Variants in CNGA3 observed in about 807,000 individuals in gnomAD.
The protein encoded by CNGA3 is cyclic nucleotide-gated channel alpha-3.
In CNGA3, 42 loss-of-function variants were observed where a neutral mutation model predicts 46.6. The ratio of observed to expected loss-of-function variants is 0.90; its 90% CI spans 0.70 to 1.17. The LOEUF (loss-of-function observed/expected upper bound fraction) is 1.17, where lower values mean the gene tolerates loss of function less well. Among genes scored for constraint, CNGA3 ranks in the 50% most tolerant of loss-of-function variants. CNGA3 has a pLI of 0.00. For synonymous variants in CNGA3, 394 were observed against 369.4 expected, an observed-to-expected ratio of 1.07 and a Z score of -0.76; for missense variants, 893 against 890.7, an observed-to-expected ratio of 1.00 and a Z score of -0.03.
intron 2 of CNGA3, among the ~76,000 whole-genome samples, chr2:98,373,665 T>C (rs1692339109): frequency 6.6e-6 from 1 of 152,240 alleles, no homozygotes; most frequent in Admixed American, 6.5e-5. Flanking sequence ...GTCTGAGTTT[T>C]CATTTCTACT....
At position 98,396,634 on chromosome 2, in the gene CNGA3, A is replaced by G. The variant is rs1165495562; in HGVS notation, c.1464A>G (p.Ala488=). The stretch of plus-strand genomic sequence containing the variant: ...TTCGCATCTTCCAGGACTGTGAGGC[A>G]GGGCTGCTGGTGGAGCTGGTGCTGA... ...KKVRIFQDCE[A]GLLVELVLKL... The change falls in exon 8 of 8, where the codon GCA becomes GCG. Residue 488 remains alanine, a synonymous_variant. Coordinates refer to ENST00000272602, the MANE Select transcript of CNGA3 (RefSeq NM_001298.3). 1.2e-6 allele frequency: 2 copies of G among 1,614,134 alleles called. No individual in the cohort carries two copies. The highest frequency in any genetic ancestry group is 1.7e-6 in the Non-Finnish European group (2 of 1,180,006).
At chr2:98,365,889 C>A (rs1047403817) in intron 1 of CNGA3, among the ~76,000 whole-genome samples, 4 of 152,202 alleles carry the variant, frequency 2.6e-5, no homozygotes, top group Non-Finnish European at 5.9e-5. Flanking sequence ...TTTCTGAAGC[C>A]TACTTCTGTC....
At chr2:98,380,064 C>T in intron 3 of CNGA3, 111 bp from the exon 4 acceptor site, 3 of 1,288,944 alleles carry the variant, frequency 2.3e-6, no homozygotes, top group Non-Finnish European at 3.3e-6. Flanking sequence ...CTGCCCCATC[C>T]CTTGAGACAG....
intron 5 of CNGA3, among the ~76,000 whole-genome samples, chr2:98,387,589 T>C (rs1247231250): frequency 2.0e-5 from 3 of 152,250 alleles, no homozygotes; most frequent in East Asian, 1.9e-4. Context: ...TGAAGTCTTA[T>C]GTTGAAGAAA....
chr2:98,378,967 A>T (rs1692476155), intron 3 of CNGA3, among the ~76,000 whole-genome samples: 1 of 152,224 alleles, frequency 6.6e-6, no homozygotes, highest in Non-Finnish European at 1.5e-5. Flanking sequence ...TGTGACCATG[A>T]GTTGAAACAC....
chr2:98,372,202 C>T (rs1352347781), intron 2 of CNGA3, among the ~76,000 whole-genome samples: 1 of 152,356 alleles, frequency 6.6e-6, no homozygotes, highest in Non-Finnish European at 1.5e-5. Flanking sequence ...TGCTGACTCA[C>T]CCTGGTTCTG....
At chr2:98,390,680 T>C (rs1319099375) in intron 6 of CNGA3, among the ~76,000 whole-genome samples, 1 of 151,984 alleles carries the variant, frequency 6.6e-6, no homozygotes, top group Non-Finnish European at 1.5e-5. Flanking sequence ...GGGGCATTTC[T>C]GAGGAAGCCT....
chr2:98,356,153 A>T (rs1691875308), intron 1 of CNGA3: 1 of 152,188 alleles, frequency 6.6e-6, no homozygotes. Flanking sequence ...TATTTTGGAA[A>T]AGTGTTTTAG....
chr2:98,387,446 C>T (rs541095490), intron 5 of CNGA3, among the ~76,000 whole-genome samples: 13 of 152,298 alleles, frequency 8.5e-5, no homozygotes, highest in Non-Finnish European at 1.3e-4. Flanking sequence ...TTGTCCCTTC[C>T]GCAACCTTTG....
chr2:98,381,896 G>A (rs1002955653), intron 4 of CNGA3, among the ~76,000 whole-genome samples: 1 of 152,174 alleles, frequency 6.6e-6, no homozygotes, highest in Non-Finnish European at 1.5e-5. Context: ...GAGGAAGAGG[G>A]AGGGGGGAAA....
At chr2:98,369,871 C>A in intron 1 of CNGA3, 68 bp from the exon 2 acceptor site, 2 of 1,031,494 alleles carry the variant, frequency 1.9e-6, no homozygotes, top group Non-Finnish European at 3.0e-6. Context: ...AGCCCTTGCC[C>A]TTGATGAGCT....
At position 98,371,880 on chromosome 2, in the gene CNGA3, A is replaced by G. The variant is rs772284406; in HGVS notation, c.101+1804A>G. ...GGAGCCCAAGAATGAGGCACAGCAT[A>G]ACATCACGATCCTGGGATCCTGGGC... On this transcript the variant is annotated intron_variant, in intron 2 of 7. Transcript: ENST00000272602. Among the ~76,000 whole-genome samples the G allele has an allele frequency of 1.6e-3, 246 of 152,340 alleles. 1 individual carries two copies. Among genetic ancestry groups the G allele is most frequent in the Non-Finnish European group, 1.1e-3 (72 of 68,032 alleles).
intron 1 of CNGA3, among the ~76,000 whole-genome samples, chr2:98,354,802 A>T (rs1368208649): frequency 6.6e-6 from 1 of 152,220 alleles, no homozygotes; most frequent in Non-Finnish European, 1.5e-5. Flanking sequence ...ATAAAAAATG[A>T]AAATAGTTTC....
intron 1 of CNGA3, among the ~76,000 whole-genome samples, chr2:98,348,242 G>A (rs976809035): frequency 2.0e-5 from 3 of 150,378 alleles, no homozygotes; most frequent in Non-Finnish European, 3.0e-5. Context: ...GGGGAGGAGC[G>A]GTGGTTCTTG....
At chr2:98,373,328 G>C (rs1692330299) in intron 2 of CNGA3, among the ~76,000 whole-genome samples, 6 of 152,220 alleles carry the variant, frequency 3.9e-5, no homozygotes, top group Admixed American at 3.3e-4. Context: ...TCTTTGTCTT[G>C]AAATTCCAGT....
At chr2:98,389,031 T>C (rs993885175) in intron 5 of CNGA3, among the ~76,000 whole-genome samples, 21 of 152,396 alleles carry the variant, frequency 1.4e-4, no homozygotes, top group African/African-American at 5.0e-4. Context: ...CACTCTAAGC[T>C]ATGTATTTCA....
Position 98,397,138 on chromosome 2 carries a change from G to A in CNGA3, c.1968G>A (p.Met656Ile), listed in dbSNP as rs147293818. Residue 656 changes from methionine to isoleucine, a missense_variant, in exon 8 of 8, where the codon ATG becomes ATA. Physicochemically the swap from Met to Ile is conservative, Grantham distance 10. Around this residue, in one of 3 missense-constraint regions of CNGA3, gnomAD observed 548 missense variants for 570.8 expected, o/e 0.96. Transcript: ENST00000272602. ...RLLAEYNATQ[M>I]KMKQRLSQLE... Reference sequence around the variant, plus strand: ...TGGCTGAGTACAACGCCACCCAGATGAAGATGAAGCAGCGTCTCAGCCAAC... The same window carrying A: ...TGGCTGAGTACAACGCCACCCAGATAAAGATGAAGCAGCGTCTCAGCCAAC... 314 of 1,614,138 alleles carry A rather than the reference G, an allele frequency of 1.9e-4. No homozygotes were observed. In the African/African-American group the frequency reaches 3.5e-3, roughly 18 times the overall value.
rs1460177858 is a variant in CNGA3 at position 98,380,205 on chromosome 2, G to A, written c.246G>A (p.Arg82=). 9.9e-6 allele frequency: 16 copies of A among 1,614,116 alleles called. No homozygotes were observed. The highest frequency in any genetic ancestry group is 1.3e-5 in the Non-Finnish European group (15 of 1,180,058). Residue 82 remains arginine, a synonymous_variant, in exon 4 of 8, where the codon AGG becomes AGA. Coordinates refer to ENST00000272602, the MANE Select transcript of CNGA3 (RefSeq NM_001298.3). ...CGCGCCTCATCTTCTTGCTGCGCAG[G>A]TGGGCTGCCAGGCATGTGCACCACC... ...RLSRLIFLLR[R]WAARHVHHQD...
At chr2:98,367,033 C>T in intron 1 of CNGA3, among the ~76,000 whole-genome samples, 1 of 152,100 alleles carries the variant, frequency 6.6e-6, no homozygotes, top group East Asian at 1.9e-4. Context: ...TGGGCAGGCG[C>T]TCCACCCTGC....
Sources: allele counts gnomAD v4.1 joint callset (sites outside exome capture counted in the v4.1 genomes callset), GRCh38; gene constraint gnomAD v4.1.1; regional missense constraint gnomAD v4.1.1; transcripts MANE v1.5; gene names NCBI Gene and HGNC (gene_info 2026-07-23, HGNC 2026-07-21).